Variants in USP50 observed in about 807,000 individuals in gnomAD.
USP50 encodes ubiquitin carboxyl-terminal hydrolase 50.
USP50 carries 37 observed loss-of-function variants against 39.2 expected under a neutral mutation model. The observed-to-expected ratio is 0.94, with a 90% CI of 0.73 to 1.24. The LOEUF (loss-of-function observed/expected upper bound fraction) is 1.24. Ranked by LOEUF, USP50 falls within the 50% of genes most tolerant of loss-of-function variation. The pLI is 0.00. For synonymous variants in USP50, 139 were observed against 144.5 expected (o/e 0.96, Z 0.27); for missense variants, 374 against 398.2 (o/e 0.94, Z 0.52).
chr15:50,516,233 A>G (rs960902353), intron 6 of USP50, among the ~76,000 whole-genome samples: 4 of 152,214 alleles, frequency 2.6e-5, no homozygotes, highest in Non-Finnish European at 4.4e-5. Context: ...AGGCTCTACA[A>G]AATAACCAGA....
At chr15:50,495,482 TTGGAG>T (rs2052356658) in intron 1 of USP50, among the ~76,000 whole-genome samples, 1 of 104,842 alleles carries the variant, frequency 9.5e-6, no homozygotes, top group South Asian at 3.3e-4. Flanking sequence ...TTAGTAGAGA[TTGGAG>T]GGGGGGGTCT....
chr15:50,528,069 T>G (rs552430575), intron 6 of USP50, among the ~76,000 whole-genome samples: 10 of 29,484 alleles, frequency 3.4e-4, no homozygotes, highest in Admixed American at 2.7e-3. Flanking sequence ...AACTAAGTTT[T>G]TTTTTTTTTT....
At chr15:50,525,803 AT>A (rs2052893271) in intron 6 of USP50, among the ~76,000 whole-genome samples, 1 of 95,732 alleles carries the variant, frequency 1.0e-5, no homozygotes, top group African/African-American at 4.1e-5. Context: ...TCAATTAAAA[AT>A]AATATTAATG....
intron 3 of USP50, among the ~76,000 whole-genome samples, chr15:50,542,345 T>G (rs2053035781): frequency 6.6e-6 from 1 of 152,104 alleles, no homozygotes; most frequent in South Asian, 2.1e-4. Flanking sequence ...AATTCCTACT[T>G]TGATCTTGGG....
Position 50,528,282 on chromosome 15 carries a change from T to TA in USP50, c.936+1514_936+1515insT, listed in dbSNP as rs2052915129. Among the ~76,000 whole-genome samples, 3 of 148,440 alleles carry TA rather than the reference T, an allele frequency of 2.0e-5. No individual in the cohort carries two copies. The South Asian group carries it at 6.4e-4, about 32-fold the overall frequency. Reference sequence around the variant, plus strand: ...TATTTCCATACTGCACATAATTACTTTTTTTTTTTTAAGAGATGGAGTCTT... The same window carrying TA: ...TATTTCCATACTGCACATAATTACTTATTTTTTTTTTAAGAGATGGAGTCTT... On this transcript the variant is annotated intron_variant, in intron 6 of 6. Coordinates refer to ENST00000532404, the MANE Select transcript of USP50 (RefSeq NM_203494.5).
At chr15:50,538,649 A>G (rs2053002518) in intron 5 of USP50, 60 bp downstream of exon 5, 1 of 1,470,792 alleles carries the variant, frequency 6.8e-7, no homozygotes, top group Non-Finnish European at 9.1e-7. Flanking sequence ...TTGGCATGTG[A>G]ATTTTATCTC....
At chr15:50,532,437 T>C (rs1477427008) in intron 5 of USP50, among the ~76,000 whole-genome samples, 1 of 152,064 alleles carries the variant, frequency 6.6e-6, no homozygotes, top group Non-Finnish European at 1.5e-5. Flanking sequence ...TGAGCAGCGC[T>C]TGTGAAGTTC....
At chr15:50,525,721 G>GTATA (rs1555395238) in intron 6 of USP50, among the ~76,000 whole-genome samples, 18,596 of 111,858 alleles carry the variant, frequency 0.17, 2,949 homozygotes, top group Admixed American at 0.26. Flanking sequence ...ATATGTATAT[G>GTATA]TATATATGTA....
chr15:50,544,487 T>C (rs1454373646), intron 2 of USP50, 100 bp downstream of exon 2: 1 of 1,173,368 alleles, frequency 8.5e-7, no homozygotes, highest in Non-Finnish European at 1.2e-6. Flanking sequence ...ACTGACTTGT[T>C]TGTTTATCTC....
chr15:50,525,850 T>A (rs1350605540), intron 6 of USP50, among the ~76,000 whole-genome samples: 2 of 151,480 alleles, frequency 1.3e-5, no homozygotes, highest in African/African-American at 4.8e-5. Flanking sequence ...ATTAATATCA[T>A]TAAAGATAAC....
downstream of USP50, chr15:50,498,500 A>C (rs1210315180): frequency 7.1e-7 from 1 of 1,411,432 alleles, no homozygotes; most frequent in Non-Finnish European, 9.4e-7. Context: ...TTTGAAATGG[A>C]TTTTACAGTC....
intron 6 of USP50, among the ~76,000 whole-genome samples, chr15:50,516,663 C>T (rs1398974484): frequency 1.3e-5 from 2 of 151,744 alleles, no homozygotes; most frequent in Non-Finnish European, 2.9e-5. Flanking sequence ...CTACGAGAGG[C>T]AGTAGGGATA....
intron 3 of USP50, among the ~76,000 whole-genome samples, chr15:50,541,468 G>T (rs984723901): frequency 1.3e-5 from 2 of 152,006 alleles, no homozygotes; most frequent in Non-Finnish European, 2.9e-5. Flanking sequence ...AGCCGTGTTA[G>T]CACTACTGCA....
intron 6 of USP50, chr15:50,509,132 C>CAAAAAAAAAAAAAA (rs57125859): frequency 4.8e-5 from 2 of 41,376 alleles, no homozygotes; most frequent in East Asian, 1.2e-3. Flanking sequence ...GACTCCGTCA[C>CAAAAAAAAAAAAAA]AAAAAAAAAA....
chr15:50,497,025 G>T, downstream of USP50: 1 of 1,534,908 alleles, frequency 6.5e-7, no homozygotes, highest in Non-Finnish European at 8.7e-7. Context: ...AACTAAATAG[G>T]TGCTCTCTGA....
intron 6 of USP50, chr15:50,510,190 G>T (rs1039622447): frequency 2.0e-5 from 3 of 152,090 alleles, no homozygotes; most frequent in Non-Finnish European, 4.4e-5. Flanking sequence ...TGAGACATTT[G>T]GTTATTCATA....
intron 6 of USP50, among the ~76,000 whole-genome samples, chr15:50,521,103 G>A (rs1325777072): frequency 2.6e-5 from 4 of 152,116 alleles, no homozygotes; most frequent in Non-Finnish European, 5.9e-5. Context: ...GTACAAAGGC[G>A]CCATCTCAGC....
Position 50,500,819 on chromosome 15 carries a change from C to G in USP50, c.955G>C (p.Asp319His), listed in dbSNP as rs747320579. ...CAVVNHFGDL[D>H]GGHYTAFCKN... ...CAGAAAGCAGTGTAGTGGCCACCAT[C>G]CAAATCACCAAAATGGTTCTATGGG... Residue 319 changes from aspartate (D) to histidine (H), a missense_variant, in exon 7 of 7, where the codon GAT becomes CAT. By Grantham distance (81) the Asp-to-His change is moderately conservative. Transcript: ENST00000532404. The G allele has an allele frequency of 6.3e-7, 1 of 1,583,720 alleles. No homozygotes were observed. Among genetic ancestry groups the G allele is most frequent in the African/African-American group, 1.3e-5 (1 of 74,436 alleles).
exon 2 of USP50, chr15:50,494,048 G>C (rs2052281153): frequency 6.3e-7 from 1 of 1,593,156 alleles, no homozygotes; most frequent in East Asian, 2.2e-5. Context: ...ATTGTCTTTT[G>C]TAACAACTTT....
Sources: allele counts gnomAD v4.1 joint callset (sites outside exome capture counted in the v4.1 genomes callset), GRCh38; gene constraint gnomAD v4.1.1; transcripts MANE v1.5; gene names NCBI Gene and HGNC (gene_info 2026-07-23, HGNC 2026-07-21).